Variants in FZD3 observed in about 807,000 individuals in gnomAD.
FZD3 encodes the protein frizzled-3.
In FZD3, 30 loss-of-function variants were observed where a neutral mutation model predicts 60.7. The observed-to-expected ratio is 0.49, with a 90% confidence interval of 0.37 to 0.67. The LOEUF (loss-of-function observed/expected upper bound fraction) is 0.67. FZD3 is among the 30% of genes least tolerant of loss of function. The pLI, the probability that FZD3 is intolerant of heterozygous loss-of-function variation, is 0.00. For synonymous variants in FZD3, 246 were observed against 275.2 expected (o/e 0.89, Z 1.05); for missense variants, 605 against 838.7 (o/e 0.72, Z 3.44).
At chr8:28,501,570 A>G (rs1040264103) in intron 2 of FZD3, among the ~76,000 whole-genome samples, 1 of 152,226 alleles carries the variant, frequency 6.6e-6, no homozygotes, top group African/African-American at 2.4e-5. Context: ...AATTGAAATA[A>G]AAGCAAAGTT....
intron 3 of FZD3, among the ~76,000 whole-genome samples, chr8:28,518,808 G>A (rs1024481066): frequency 2.6e-5 from 4 of 152,108 alleles, no homozygotes; most frequent in African/African-American, 9.7e-5. Context: ...CTTGTCTTAC[G>A]CCCAGTTCAA....
intron 5 of FZD3, among the ~76,000 whole-genome samples, chr8:28,547,907 C>T (rs1288056364): frequency 6.6e-6 from 1 of 150,642 alleles, no homozygotes; most frequent in Non-Finnish European, 1.5e-5. Flanking sequence ...GGCTGGAGTG[C>T]AGTGGCATGA....
intron 5 of FZD3, among the ~76,000 whole-genome samples, chr8:28,531,069 C>T (rs915144992): frequency 4.6e-5 from 7 of 151,986 alleles, no homozygotes; most frequent in African/African-American, 7.2e-5. Context: ...TGTTTGTGTA[C>T]CTATGTATCT....
intron 7 of FZD3, among the ~76,000 whole-genome samples, chr8:28,560,778 T>C (rs1164193340): frequency 6.6e-6 from 1 of 152,176 alleles, no homozygotes; most frequent in Admixed American, 6.5e-5. Flanking sequence ...CTTGGAATAA[T>C]CTTCTACTCA....
Position 28,572,250 on chromosome 8 carries a change from A to G in FZD3, c.*9239A>G, listed in dbSNP as rs943132522. The G allele has an allele frequency of 9.2e-5, 14 of 152,178 alleles. No individual in the cohort carries two copies. The highest frequency in any genetic ancestry group is 2.2e-4 in the African/African-American group (9 of 41,452). 9.4% of individuals were successfully genotyped at this position (152,178 alleles called of 1,614,324 possible). ...CTGAAATTGCTGGTTTTATTGGTCA[A>G]AAATGATCAGATGCTAGCAATTTCA... On this transcript the variant is annotated 3_prime_UTR_variant, in exon 8 of 8. Coordinates refer to ENST00000240093, the MANE Select transcript of FZD3 (RefSeq NM_017412.4).
At chr8:28,539,462 C>T (rs1805105049) in intron 5 of FZD3, among the ~76,000 whole-genome samples, 2 of 151,994 alleles carry the variant, frequency 1.3e-5, no homozygotes, top group Admixed American at 6.5e-5. Flanking sequence ...CATAATAAGC[C>T]GTTATATTTG....
intron 5 of FZD3, among the ~76,000 whole-genome samples, chr8:28,534,389 C>CA (rs1349885630): frequency 6.6e-6 from 1 of 152,104 alleles, no homozygotes; most frequent in African/African-American, 2.4e-5. Context: ...CCCATTTCTA[C>CA]AAAAAATGTA....
chr8:28,524,083 G>A (rs1016448551), intron 4 of FZD3, among the ~76,000 whole-genome samples: 1 of 151,984 alleles, frequency 6.6e-6, no homozygotes, highest in Non-Finnish European at 1.5e-5. Flanking sequence ...TAAATCCCTG[G>A]TTTTTATAAA....
intron 3 of FZD3, among the ~76,000 whole-genome samples, chr8:28,510,207 G>A (rs933317722): frequency 1.3e-5 from 2 of 151,942 alleles, no homozygotes; most frequent in Non-Finnish European, 2.9e-5. Flanking sequence ...TTACTCCATT[G>A]TATTGGATAT....
intron 5 of FZD3, among the ~76,000 whole-genome samples, chr8:28,546,964 C>T (rs892871187): frequency 2.0e-5 from 3 of 149,190 alleles, no homozygotes; most frequent in African/African-American, 5.0e-5. Context: ...AGCGAGACTC[C>T]GTCTCAAAAA....
At chr8:28,501,121 C>G (rs966949926) in intron 2 of FZD3, among the ~76,000 whole-genome samples, 7 of 152,042 alleles carry the variant, frequency 4.6e-5, no homozygotes, top group Admixed American at 4.6e-4. Context: ...ATATGGCAGG[C>G]CAAGAATCTG....
At chr8:28,536,146 A>G (rs552762881) in intron 5 of FZD3, among the ~76,000 whole-genome samples, 120 of 152,334 alleles carry the variant, frequency 7.9e-4, no homozygotes, top group African/African-American at 2.8e-3. Flanking sequence ...ATAATTCTTG[A>G]GGCTTTACAA....
intron 5 of FZD3, among the ~76,000 whole-genome samples, chr8:28,546,168 A>G (rs1805288692): frequency 6.6e-6 from 1 of 152,196 alleles, no homozygotes; most frequent in Non-Finnish European, 1.5e-5. Context: ...CTCAGAACAT[A>G]TCCCTGTTGT....
intron 7 of FZD3, among the ~76,000 whole-genome samples, chr8:28,556,319 C>T (rs955851753): frequency 6.6e-6 from 1 of 152,188 alleles, no homozygotes; most frequent in African/African-American, 2.4e-5. Context: ...ATGATCTTTG[C>T]TCTTGGTAAG....
chr8:28,519,837 C>T lies in FZD3; in HGVS notation c.190-801C>T, dbSNP rs548001144. Among the ~76,000 whole-genome samples, 6 of 152,020 alleles carry T rather than the reference C, an allele frequency of 3.9e-5. No individual in the cohort carries two copies. The South Asian group carries it at 1.2e-3, about 32-fold the overall frequency. ...TATTACTACTTACCTTCCTCTCCTT[C>T]TCCCAGTTTTTCTCCCATTACTGGT... On this transcript the variant is annotated intron_variant, in intron 3 of 7. Coordinates refer to ENST00000240093, the MANE Select transcript of FZD3 (RefSeq NM_017412.4).
At chr8:28,518,384 A>G (rs1804488595) in intron 3 of FZD3, among the ~76,000 whole-genome samples, 1 of 152,108 alleles carries the variant, frequency 6.6e-6, no homozygotes, top group Non-Finnish European at 1.5e-5. Flanking sequence ...TCAGTCAGTA[A>G]CTGAGCTGAG....
chr8:28,558,713 T>TG (rs1379660943), intron 7 of FZD3, among the ~76,000 whole-genome samples: 1 of 152,202 alleles, frequency 6.6e-6, no homozygotes, highest in Non-Finnish European at 1.5e-5. Flanking sequence ...ACTGCGGGCA[T>TG]GAGCCACTGT....
At chr8:28,546,051 A>G (rs1382113456) in intron 5 of FZD3, among the ~76,000 whole-genome samples, 2 of 152,220 alleles carry the variant, frequency 1.3e-5, no homozygotes, top group African/African-American at 4.8e-5. Flanking sequence ...CCTAGGAGCA[A>G]TAGGCTATAC....
intron 1 of FZD3, among the ~76,000 whole-genome samples, chr8:28,497,164 G>T (rs1803865554): frequency 6.6e-6 from 1 of 152,186 alleles, no homozygotes; most frequent in Non-Finnish European, 1.5e-5. Flanking sequence ...CTGTGTGTGT[G>T]TTTTAAGCCT....
Sources: allele counts gnomAD v4.1 joint callset (sites outside exome capture counted in the v4.1 genomes callset), GRCh38; gene constraint gnomAD v4.1.1; transcripts MANE v1.5; gene names NCBI Gene and HGNC (gene_info 2026-07-23, HGNC 2026-07-21).